The following KCNAB1 variants were observed in gnomAD, a reference collection of about 807,000 sequenced individuals.
KCNAB1 encodes voltage-gated potassium channel subunit beta-1.
KCNAB1 carries 35 observed loss-of-function variants against 64.6 expected under a neutral mutation model. That is an observed-to-expected ratio of 0.54 (90% CI 0.41 to 0.72). KCNAB1 has a LOEUF of 0.72. Ranked by LOEUF, KCNAB1 falls within the 30% of genes least tolerant of loss-of-function variation. The pLI is 0.00. For missense variants in KCNAB1, 401 were observed against 512.9 expected, an observed-to-expected ratio of 0.78 and a Z score of 2.11; for synonymous variants, 177 against 183.8, an observed-to-expected ratio of 0.96 and a Z score of 0.30.
intron 1 of KCNAB1, among the ~76,000 whole-genome samples, chr3:156,266,172 C>T (rs561044805): frequency 2.1e-3 from 316 of 152,054 alleles, no homozygotes; most frequent in Non-Finnish European, 3.9e-3. Context: ...TTGTTCCAGC[C>T]CCTTCCTCAT....
At chr3:156,391,982 G>A (rs908931525) in intron 1 of KCNAB1, among the ~76,000 whole-genome samples, 4 of 152,128 alleles carry the variant, frequency 2.6e-5, no homozygotes, top group Non-Finnish European at 4.4e-5. Context: ...GAAATACATC[G>A]ATTAGCTTGG....
At chr3:156,411,305 AT>A (rs1352665817) in intron 1 of KCNAB1, among the ~76,000 whole-genome samples, 6 of 152,106 alleles carry the variant, frequency 3.9e-5, no homozygotes, top group African/African-American at 1.4e-4. Context: ...TTCTTTCAGC[AT>A]GTAACATGTC....
At chr3:156,409,134 C>A (rs1714463191) in intron 1 of KCNAB1, among the ~76,000 whole-genome samples, 1 of 152,170 alleles carries the variant, frequency 6.6e-6, no homozygotes, top group African/African-American at 2.4e-5. Context: ...TGAAAATTGA[C>A]TTCTTTAGGG....
At chr3:156,365,479 AG>A (rs1487735658) in intron 1 of KCNAB1, among the ~76,000 whole-genome samples, 1 of 152,234 alleles carries the variant, frequency 6.6e-6, no homozygotes, top group African/African-American at 2.4e-5. Context: ...AAGGCATTAT[AG>A]TGCCTCCAAA....
intron 1 of KCNAB1, among the ~76,000 whole-genome samples, chr3:156,398,202 AGGAGG>A (rs1043842563): frequency 2.6e-5 from 4 of 152,070 alleles, no homozygotes; most frequent in Non-Finnish European, 5.9e-5. Flanking sequence ...CATGGACACA[AGGAGG>A]GGAATAACAC....
At chr3:156,526,025 C>G (rs1718285492) in intron 12 of KCNAB1, among the ~76,000 whole-genome samples, 1 of 152,144 alleles carries the variant, frequency 6.6e-6, no homozygotes, top group South Asian at 2.1e-4. Context: ...CCTCCCAGTC[C>G]TGCAAGCTCC....
At chr3:156,471,706 A>G (rs1713913094) in intron 7 of KCNAB1, among the ~76,000 whole-genome samples, 1 of 152,256 alleles carries the variant, frequency 6.6e-6, no homozygotes, top group South Asian at 2.1e-4. Context: ...TCATTTGCTA[A>G]ATGGAGATAG....
chr3:156,286,735 C>T (rs1233250299), intron 1 of KCNAB1, among the ~76,000 whole-genome samples: 11 of 152,058 alleles, frequency 7.2e-5, no homozygotes, highest in Admixed American at 1.3e-4. Flanking sequence ...ATAAAAATAT[C>T]GGGGTTTCTT....
chr3:156,246,844 G>A (rs1430394621), intron 1 of KCNAB1, among the ~76,000 whole-genome samples: 2 of 152,150 alleles, frequency 1.3e-5, no homozygotes, highest in African/African-American at 4.8e-5. Context: ...AAGGTAGTGA[G>A]TGTTTATAAA....
chr3:156,265,964 C>A, intron 1 of KCNAB1, among the ~76,000 whole-genome samples: 1 of 152,118 alleles, frequency 6.6e-6, no homozygotes, highest in Non-Finnish European at 1.5e-5. Flanking sequence ...TGCACTCCAG[C>A]CTGGTGACAC....
intron 1 of KCNAB1, among the ~76,000 whole-genome samples, chr3:156,380,496 A>T (rs1469694423): frequency 1.3e-5 from 2 of 152,234 alleles, no homozygotes; most frequent in Non-Finnish European, 2.9e-5. Flanking sequence ...TTCACAAAAA[A>T]CTAGCATTAG....
chr3:156,395,554 A>G (rs1713390585), intron 1 of KCNAB1, among the ~76,000 whole-genome samples: 1 of 105,806 alleles, frequency 9.5e-6, no homozygotes, highest in African/African-American at 6.0e-5. Flanking sequence ...CAAAAAAAAA[A>G]AAAAAAAAAA....
chr3:156,150,287 C>G (rs73876115), intron 1 of KCNAB1, among the ~76,000 whole-genome samples: 10,467 of 152,142 alleles, frequency 0.069, 686 homozygotes, highest in African/African-American at 0.17. Flanking sequence ...AGTATGTTTT[C>G]AAAGTGTCAG....
At chr3:156,513,327 C>T (rs74525849) in intron 8 of KCNAB1, among the ~76,000 whole-genome samples, 2,432 of 151,666 alleles carry the variant, frequency 0.016, 71 homozygotes, top group African/African-American at 0.057. Context: ...TAGACAGTGC[C>T]TGCTCATGAG....
In KCNAB1 at chr3:156,231,495, C is replaced by T. The variant is rs907565579; in HGVS notation, c.275+110609C>T. Among the ~76,000 whole-genome samples, 4 of 123,158 alleles carry T rather than the reference C, an allele frequency of 3.2e-5. No homozygotes were observed. The East Asian group carries it at 8.5e-4, about 26-fold the overall frequency. 80.8% of individuals were successfully genotyped at this position (123,158 alleles called of 152,430 possible). ...TCTTCCCTCCCCTCCCCTCCCCTCC[C>T]CTCCCTCCCTCCCTCCCTCCCTTCC... is the stretch of plus-strand genomic sequence containing the variant. On this transcript the variant is annotated intron_variant, in intron 1 of 13. Coordinates refer to ENST00000490337, the MANE Select transcript of KCNAB1 (RefSeq NM_172160.3).
intron 7 of KCNAB1, among the ~76,000 whole-genome samples, chr3:156,469,092 A>G (rs1713659751): frequency 6.6e-6 from 1 of 152,188 alleles, no homozygotes; most frequent in South Asian, 2.1e-4. Flanking sequence ...AGAGATTCGG[A>G]AAATGGTTCA....
chr3:156,370,889 G>A (rs1014879720), intron 1 of KCNAB1, among the ~76,000 whole-genome samples: 17 of 152,172 alleles, frequency 1.1e-4, no homozygotes, highest in African/African-American at 4.1e-4. Flanking sequence ...GGCGGCAGGC[G>A]GCACAGGAAA....
At chr3:156,290,324 C>T (rs1424499328) in intron 1 of KCNAB1, among the ~76,000 whole-genome samples, 1 of 152,154 alleles carries the variant, frequency 6.6e-6, no homozygotes, top group African/African-American at 2.4e-5. Flanking sequence ...TGATGGTATT[C>T]AGAAATATTG....
At chr3:156,258,992 T>C in intron 1 of KCNAB1, among the ~76,000 whole-genome samples, 1 of 152,366 alleles carries the variant, frequency 6.6e-6, no homozygotes, top group East Asian at 1.9e-4. Flanking sequence ...CAATTGGTCT[T>C]TGTTTAATGT....
Sources: allele counts gnomAD v4.1 joint callset (sites outside exome capture counted in the v4.1 genomes callset), GRCh38; gene constraint gnomAD v4.1.1; transcripts MANE v1.5; gene names NCBI Gene and HGNC (gene_info 2026-07-23, HGNC 2026-07-21).